FAM167A: variants seen among roughly 807,000 people sequenced by gnomAD.
FAM167A encodes protein FAM167A.
Under a neutral mutation model 14.9 loss-of-function variants are expected in FAM167A, and 23 were observed. That is an observed-to-expected ratio of 1.55 (90% CI 1.11 to 2.19). The LOEUF is 2.19. FAM167A is among the 30% of genes most tolerant of loss of function. The pLI, the probability that FAM167A is intolerant of heterozygous loss-of-function variation, is 0.00. For synonymous variants in FAM167A, 174 were observed against 117.7 expected (o/e 1.48, Z -3.10); for missense variants, 401 against 281.5 (o/e 1.42, Z -3.04).
rs549684514 is a variant in FAM167A, at chr8:11,449,712, G to T, written c.-397-4904C>A. Among the ~76,000 whole-genome samples, 6 of 152,320 alleles carry T rather than the reference G, an allele frequency of 3.9e-5. No individual in the cohort carries two copies. In the East Asian group the frequency reaches 1.2e-3, roughly 30 times the overall value. On this transcript the variant is annotated intron_variant, in intron 1 of 2. Transcript: ENST00000284486. Reference sequence around the variant, plus strand: ...GGGGGGGCGCGTCAGCCTTTCTGCAGCTCTGTGTGCCAGTGCCGAGGACCC... The same window carrying T: ...GGGGGGGCGCGTCAGCCTTTCTGCATCTCTGTGTGCCAGTGCCGAGGACCC...
intron 1 of FAM167A, among the ~76,000 whole-genome samples, chr8:11,447,886 G>A (rs1300315020): frequency 6.6e-6 from 1 of 152,188 alleles, no homozygotes. Context: ...AAGATGCGGG[G>A]CTCCTTGTTT....
At chr8:11,426,392 C>A (rs1017902114) in intron 2 of FAM167A, among the ~76,000 whole-genome samples, 1 of 152,200 alleles carries the variant, frequency 6.6e-6, no homozygotes, top group Non-Finnish European at 1.5e-5. Context: ...GGCCCATGGT[C>A]ACTTACACTG....
intron 1 of FAM167A, among the ~76,000 whole-genome samples, chr8:11,460,942 T>G (rs73663147): frequency 4.6e-5 from 7 of 152,218 alleles, no homozygotes; most frequent in East Asian, 1.9e-4. Flanking sequence ...TGCTGAATAA[T>G]TGATGGGCTC....
chr8:11,453,717 GC>G (rs913174299), intron 1 of FAM167A, among the ~76,000 whole-genome samples: 11 of 152,098 alleles, frequency 7.2e-5, no homozygotes, highest in African/African-American at 2.4e-4. Flanking sequence ...GAATCAAGTT[GC>G]CCCCCGAGAT....
chr8:11,458,790 A>C (rs1366088396), intron 1 of FAM167A, among the ~76,000 whole-genome samples: 1 of 152,118 alleles, frequency 6.6e-6, no homozygotes, highest in Non-Finnish European at 1.5e-5. Flanking sequence ...TAAGGGAAAA[A>C]AAAAACAGAA....
At chr8:11,473,507 C>A (rs1808026198) in intron 1 of FAM167A, among the ~76,000 whole-genome samples, 1 of 152,200 alleles carries the variant, frequency 6.6e-6, no homozygotes, top group Non-Finnish European at 1.5e-5. Flanking sequence ...GACAAAGCCT[C>A]CCTTATACGT....
intron 1 of FAM167A, among the ~76,000 whole-genome samples, chr8:11,475,341 A>G (rs561926690): frequency 6.6e-6 from 1 of 152,290 alleles, no homozygotes; most frequent in South Asian, 2.1e-4. Context: ...AAGTTTTCCA[A>G]GAGGAAAAAC....
At chr8:11,456,625 A>G (rs920547158) in intron 1 of FAM167A, among the ~76,000 whole-genome samples, 1 of 149,236 alleles carries the variant, frequency 6.7e-6, no homozygotes, top group Admixed American at 6.7e-5. Flanking sequence ...GTGTGAATAT[A>G]CGAGTGTGAG....
intron 1 of FAM167A, chr8:11,445,083 G>C: frequency 1.0e-6 from 1 of 967,382 alleles, no homozygotes; most frequent in African/African-American, 1.8e-5. Flanking sequence ...AGTCTGCAGG[G>C]ATTTGTTTTT....
At chr8:11,442,674 A>G (rs1487603266) in intron 2 of FAM167A, among the ~76,000 whole-genome samples, 1 of 151,986 alleles carries the variant, frequency 6.6e-6, no homozygotes, top group East Asian at 1.9e-4. Flanking sequence ...GGCACTGTGC[A>G]TCTCCCCTCA....
intron 2 of FAM167A, among the ~76,000 whole-genome samples, chr8:11,442,786 G>A (rs1317060211): frequency 2.6e-5 from 4 of 152,008 alleles, no homozygotes; most frequent in African/African-American, 9.7e-5. Flanking sequence ...GACAGCACAT[G>A]CACCCTCTCG....
intron 1 of FAM167A, among the ~76,000 whole-genome samples, chr8:11,453,065 G>A (rs1471265204): frequency 6.6e-6 from 1 of 152,134 alleles, no homozygotes; most frequent in Non-Finnish European, 1.5e-5. Flanking sequence ...GGACTTGGAC[G>A]CTGTCCCCTT....
At chr8:11,464,904 G>C (rs76368678) in intron 1 of FAM167A, among the ~76,000 whole-genome samples, 2,070 of 152,312 alleles carry the variant, frequency 0.014, 13 homozygotes, top group Non-Finnish European at 0.021. Flanking sequence ...CCCTGCCAGA[G>C]TTCCTCCTGG....
chr8:11,467,932 A>G (rs1349487082), upstream of FAM167A, among the ~76,000 whole-genome samples: 2 of 152,240 alleles, frequency 1.3e-5, no homozygotes, highest in Non-Finnish European at 2.9e-5. Context: ...ATTAACAAGC[A>G]TCTTTTGGAG....
At chr8:11,471,688 G>C (rs1807965035), upstream of FAM167A, among the ~76,000 whole-genome samples, 1 of 152,182 alleles carries the variant, frequency 6.6e-6, no homozygotes, top group Non-Finnish European at 1.5e-5. Context: ...GGGTTTTAGA[G>C]AACCCTGCCC....
intron 2 of FAM167A, among the ~76,000 whole-genome samples, chr8:11,432,357 A>G (rs1805664533): frequency 6.6e-6 from 1 of 152,234 alleles, no homozygotes; most frequent in African/African-American, 2.4e-5. Context: ...ATCTACAAAG[A>G]ACTTAAACAA....
In FAM167A at chr8:11,457,098, A is replaced by AGTGGGCGGGGCTGGGTTGGGG. The variant is rs1807358351; in HGVS notation, c.-398+9527_-398+9528insCCCCAACCCAGCCCCGCCCAC. On this transcript the variant is annotated intron_variant, in intron 1 of 2. Transcript: ENST00000284486. Reference sequence around the variant, plus strand: ...GAAGTGGGCGGGGCTGGGTTGGGGAAATGGGCGGGGCTGGGTTGGGGAAGT... The same window carrying AGTGGGCGGGGCTGGGTTGGGG: ...GAAGTGGGCGGGGCTGGGTTGGGGAAGTGGGCGGGGCTGGGTTGGGGATGGGCGGGGCTGGGTTGGGGAAGT... 1.7e-3 allele frequency among the ~76,000 whole-genome samples: 8 copies of AGTGGGCGGGGCTGGGTTGGGG among 4,724 alleles called. 3 individuals are homozygous for AGTGGGCGGGGCTGGGTTGGGG. The highest frequency in any genetic ancestry group is 0.013 in the Admixed American group (5 of 384). The allele number at this position is 4,724 out of a possible 152,430, so 3.1% of individuals were successfully genotyped here.
chr8:11,469,232 C>T (rs1419013222), upstream of FAM167A, among the ~76,000 whole-genome samples: 1 of 152,154 alleles, frequency 6.6e-6, no homozygotes, highest in Non-Finnish European at 1.5e-5. Context: ...TATTAGCTGT[C>T]GTTATCTCTG....
chr8:11,436,915 T>C (rs1221060282), intron 2 of FAM167A, among the ~76,000 whole-genome samples: 1 of 152,024 alleles, frequency 6.6e-6, no homozygotes, highest in Non-Finnish European at 1.5e-5. Context: ...GCTGCTGGAG[T>C]GGGGACCTGT....
Sources: allele counts gnomAD v4.1 joint callset (sites outside exome capture counted in the v4.1 genomes callset), GRCh38; gene constraint gnomAD v4.1.1; transcripts MANE v1.5; gene names NCBI Gene and HGNC (gene_info 2026-07-23, HGNC 2026-07-21).